MYRFL: variants seen among roughly 807,000 people sequenced by gnomAD.
MYRFL encodes myelin regulatory factor like.
A neutral mutation model predicts 109.4 loss-of-function variants in MYRFL; 88 were observed. The ratio of observed to expected loss-of-function variants is 0.80; its 90% CI spans 0.68 to 0.96. MYRFL has a LOEUF of 0.96. Ranked by LOEUF, MYRFL falls within the 40% of genes least tolerant of loss-of-function variation. MYRFL has a pLI of 0.00. For synonymous variants in MYRFL, 324 were observed against 320.9 expected (o/e 1.01, Z -0.10); for missense variants, 957 against 954.9 (o/e 1.00, Z -0.03).
chr12:69,895,344 G>GTTTT, intron 8 of MYRFL, 27 bp from the exon 9 acceptor site: 1 of 1,226,216 alleles, frequency 8.2e-7, no homozygotes, highest in Non-Finnish European at 1.1e-6. Flanking sequence ...TAGTCTCTTG[G>GTTTT]TTTTTTTTTT....
At position 69,891,092 on chromosome 12, in the gene MYRFL, A is replaced by C. The variant is rs1457130342; in HGVS notation, c.829A>C (p.Ser277Arg). Residue 277 changes from serine (S) to arginine (R), a missense_variant, in exon 7 of 25, where the codon AGT (serine) becomes CGT (arginine). Ser to Arg is a moderately radical substitution (Grantham distance 110). Transcript: ENST00000552032. ...QITIHIQVWG[S>R]PKFVETEMGL... is the part of the protein sequence containing the mutation. ...AACCATTCACATCCAAGTTTGGGGA[A>C]GTCCAAAATTTGTTGAAACCGAGAT... 8 of 1,535,144 alleles carry C rather than the reference A, an allele frequency of 5.2e-6. No homozygotes were observed. In the South Asian group the frequency reaches 9.6e-5, roughly 18 times the overall value.
intron 7 of MYRFL, among the ~76,000 whole-genome samples, chr12:69,893,261 C>T (rs1887024564): frequency 6.6e-6 from 1 of 152,206 alleles, no homozygotes; most frequent in South Asian, 2.1e-4. Context: ...GAGTTTGTAG[C>T]AGATGCTGAA....
At chr12:69,940,168 C>G (rs1422678951) in intron 19 of MYRFL, among the ~76,000 whole-genome samples, 1 of 152,070 alleles carries the variant, frequency 6.6e-6, no homozygotes, top group African/African-American at 2.4e-5. Context: ...TCTAGCAAGG[C>G]AGGCCAACGT....
At chr12:69,897,008 A>G (rs1954017814) in intron 9 of MYRFL, 148 bp from the exon 10 acceptor site, 1 of 654,378 alleles carries the variant, frequency 1.5e-6, no homozygotes, top group Non-Finnish European at 2.8e-6. Flanking sequence ...TGGGGGGACA[A>G]CTTAGAACAG....
chr12:69,897,460 G>A (rs557866929), intron 10 of MYRFL, among the ~76,000 whole-genome samples: 1 of 152,286 alleles, frequency 6.6e-6, no homozygotes, highest in South Asian at 2.1e-4. Flanking sequence ...ATTTTTGGTT[G>A]TCACAGCTGG....
At chr12:69,901,128 A>G (rs535219569) in intron 10 of MYRFL, among the ~76,000 whole-genome samples, 1 of 152,362 alleles carries the variant, frequency 6.6e-6, no homozygotes, top group East Asian at 1.9e-4. Flanking sequence ...TTTGTGTTAT[A>G]ACATAGACTA....
chr12:69,825,892 GC>G (rs1386829702), intron 1 of MYRFL, among the ~76,000 whole-genome samples: 1 of 151,936 alleles, frequency 6.6e-6, no homozygotes, highest in African/African-American at 2.4e-5. Flanking sequence ...AAACTACATA[GC>G]CATGCTCAAA....
At chr12:69,904,020 T>A in intron 11 of MYRFL, 176 bp downstream of exon 11, 2 of 560,652 alleles carry the variant, frequency 3.6e-6, no homozygotes, top group Non-Finnish European at 6.0e-6. Context: ...GCTGAAATTG[T>A]AAAGCAGTTC....
At chr12:69,939,066 T>C (rs538778530) in intron 19 of MYRFL, among the ~76,000 whole-genome samples, 14 of 152,270 alleles carry the variant, frequency 9.2e-5, no homozygotes, top group Admixed American at 2.6e-4. Flanking sequence ...CGCTGATTGC[T>C]AGCACAGCAG....
intron 13 of MYRFL, among the ~76,000 whole-genome samples, chr12:69,925,723 C>A (rs191155063): frequency 6.6e-6 from 1 of 152,166 alleles, no homozygotes; most frequent in East Asian, 1.9e-4. Context: ...TGGTTGGTCT[C>A]CCCTTTCTTT....
intron 1 of MYRFL, among the ~76,000 whole-genome samples, chr12:69,838,204 C>T (rs1883057239): frequency 6.6e-6 from 1 of 152,174 alleles, no homozygotes; most frequent in Admixed American, 6.5e-5. Context: ...TTGTGCCATG[C>T]AGTGTCAGCC....
At position 69,893,842 on chromosome 12, in the gene MYRFL, T is replaced by G; in HGVS notation, c.980+2T>G. On this transcript the variant is annotated splice_donor_variant, in intron 8 of 24. Coordinates refer to ENST00000552032, the MANE Select transcript of MYRFL (RefSeq NM_182530.3). LOFTEE classifies it high-confidence loss of function. Reference sequence around the variant, plus strand: ...CAAAAAGATTTTCAATCCTGTTAAGTAAGAATTTATTTTCTGAATTCCTTT... The same window carrying G: ...CAAAAAGATTTTCAATCCTGTTAAGGAAGAATTTATTTTCTGAATTCCTTT... The G allele has an allele frequency of 7.5e-7, 1 of 1,337,986 alleles. No homozygotes were observed. The highest frequency in any genetic ancestry group is 9.6e-7 in the Non-Finnish European group (1 of 1,040,176). The allele number at this position is 1,337,986 out of a possible 1,614,324, so 82.9% of individuals were successfully genotyped here.
chr12:69,842,321 T>G (rs926588963), intron 1 of MYRFL, among the ~76,000 whole-genome samples: 1 of 152,216 alleles, frequency 6.6e-6, no homozygotes, highest in Non-Finnish European at 1.5e-5. Context: ...TCAATGACTC[T>G]ATCACTTTCA....
intron 2 of MYRFL, among the ~76,000 whole-genome samples, chr12:69,862,672 A>G (rs1592718344): frequency 3.3e-5 from 5 of 151,902 alleles, no homozygotes; most frequent in East Asian, 3.9e-4. Flanking sequence ...GGTTTTCTAG[A>G]TATACAATCA....
At position 69,910,041 on chromosome 12, in the gene MYRFL, G is replaced by T. The variant is rs569504722; in HGVS notation, c.1456G>T (p.Ala486Ser). 6.5e-7 allele frequency: 1 copy of T among 1,534,644 alleles called. No individual in the cohort carries two copies. The highest frequency in any genetic ancestry group is 2.4e-5 in the East Asian group (1 of 40,862). The change falls in exon 12 of 25, where the codon GCA becomes TCA. Residue 486 changes from alanine (A) to serine (S), a missense_variant. Coordinates refer to ENST00000552032, the MANE Select transcript of MYRFL (RefSeq NM_182530.3). ...IVEYDYKPEF[A>S]SAMGINTAHQ... The stretch of plus-strand genomic sequence containing the variant: ...TGAATATGACTACAAACCTGAATTT[G>T]CATCTGCAATGGGAATAAACACTGC...
At chr12:69,889,325 T>C (rs543186988) in intron 6 of MYRFL, among the ~76,000 whole-genome samples, 9 of 152,176 alleles carry the variant, frequency 5.9e-5, no homozygotes, top group Non-Finnish European at 1.3e-4. Context: ...TTATGTTCTC[T>C]ATTTGATAAT....
chr12:69,826,977 A>G (rs976006340), intron 1 of MYRFL, among the ~76,000 whole-genome samples: 2 of 152,062 alleles, frequency 1.3e-5, no homozygotes, highest in Non-Finnish European at 2.9e-5. Context: ...CCCTTTTCAA[A>G]TGAAGGCAGC....
chr12:69,946,655 A>C (rs1955846747), intron 19 of MYRFL: 1 of 152,248 alleles, frequency 6.6e-6, no homozygotes, highest in Non-Finnish European at 1.5e-5. Flanking sequence ...TCTACAGACA[A>C]CACCACAGAC....
At chr12:69,847,036 G>C (rs2136319045) in intron 1 of MYRFL, among the ~76,000 whole-genome samples, 1 of 152,172 alleles carries the variant, frequency 6.6e-6, no homozygotes, top group East Asian at 1.9e-4. Flanking sequence ...CCCACTTTTT[G>C]ATGGGGTTGT....
Sources: gnomAD v4.1 joint callset for allele counts (sites outside exome capture counted in the v4.1 genomes callset) on GRCh38, gnomAD v4.1.1 for gene constraint, MANE v1.5 for transcripts, NCBI Gene and HGNC (gene_info 2026-07-23, HGNC 2026-07-21) for gene names.